The following P2RY12 variants were observed in gnomAD, a reference collection of about 807,000 sequenced individuals.
P2RY12 encodes the protein purinergic receptor P2Y12.
In P2RY12, 3 loss-of-function variants were observed where a neutral mutation model predicts 4.5. The observed-to-expected ratio is 0.67, with a 90% confidence interval of 0.31 to 1.74. P2RY12 has a LOEUF of 1.74. P2RY12 is among the 40% of genes most tolerant of loss of function. The probability of loss-of-function intolerance (pLI) is 0.09; values close to 1 mark genes in which losing one functional copy is unlikely to be tolerated. For missense variants in P2RY12, 356 were observed against 407.8 expected (o/e 0.87, Z 1.09); for synonymous variants, 148 against 154.1 (o/e 0.96, Z 0.29).
intron 1 of P2RY12, among the ~76,000 whole-genome samples, chr3:151,364,321 A>G (rs1039264357): frequency 2.6e-5 from 4 of 152,206 alleles, no homozygotes; most frequent in Non-Finnish European, 4.4e-5. Context: ...TTTATATGAT[A>G]GAGCAGGCTC....
rs1470673309 is a variant in P2RY12 at position 151,377,142 on chromosome 3, G to A, written c.-180+7550C>T. 3 of 1,613,834 alleles carry A rather than the reference G, an allele frequency of 1.9e-6. No individual in the cohort carries two copies. The East Asian group carries it at 6.7e-5, about 36-fold the overall frequency. ...AACAGTATTGGAAGTGCTGATACAA[G>A]TAGCACGAGACAGAATGGAATAAAG... is the stretch of plus-strand genomic sequence containing the variant. On this transcript the variant is annotated intron_variant, in intron 1 of 2. Coordinates refer to ENST00000302632, the MANE Select transcript of P2RY12 (RefSeq NM_022788.5).
intron 1 of P2RY12, among the ~76,000 whole-genome samples, chr3:151,354,311 AAG>A (rs1054908526): frequency 6.6e-6 from 1 of 152,160 alleles, no homozygotes; most frequent in Non-Finnish European, 1.5e-5. Flanking sequence ...AACAGTTAAG[AAG>A]AGTACCCCTA....
At chr3:151,340,563 A>G (rs1751684256) in intron 2 of P2RY12, 33 bp downstream of exon 2, 1 of 152,620 alleles carries the variant, frequency 6.6e-6, no homozygotes, top group Non-Finnish European at 1.5e-5. Context: ...GTAAATACAT[A>G]TATTTGTCAA....
chr3:151,377,461 A>G (rs1271266653), intron 1 of P2RY12, among the ~76,000 whole-genome samples: 1 of 152,200 alleles, frequency 6.6e-6, no homozygotes, highest in Non-Finnish European at 1.5e-5. Context: ...TATTCATTAT[A>G]TGGGAAACGC....
intron 2 of P2RY12, among the ~76,000 whole-genome samples, chr3:151,340,058 A>T (rs192198292): frequency 6.6e-6 from 1 of 152,268 alleles, no homozygotes; most frequent in East Asian, 1.9e-4. Context: ...TGGAAGGAAA[A>T]CGATTAAGAA....
In P2RY12 at chr3:151,338,809, TA is replaced by T. The variant is rs775742312; in HGVS notation, c.36del (p.Asn13ThrfsTer35). The T allele has an allele frequency of 6.2e-7, 1 of 1,613,838 alleles. No individual in the cohort carries two copies. The highest frequency in any genetic ancestry group is 1.1e-5 in the South Asian group (1 of 91,066). The part of the protein sequence containing the change: ...QAVDNLTSAP[G>X]NTSLCTRDYK... ...TAGTCTCTGGTGCACAGACTGGTGT[TA>T]CCAGGCGCAGAGGTGAGGTTGTCGA... is the stretch of plus-strand genomic sequence containing the variant. On this transcript the variant is annotated frameshift_variant, in exon 3 of 3. Coordinates refer to ENST00000302632, the MANE Select transcript of P2RY12 (RefSeq NM_022788.5). LOFTEE classifies it high-confidence loss of function.
At chr3:151,346,651 T>C (rs1021494123) in intron 1 of P2RY12, among the ~76,000 whole-genome samples, 9 of 152,154 alleles carry the variant, frequency 5.9e-5, no homozygotes, top group South Asian at 4.1e-4. Flanking sequence ...TTATAGTATC[T>C]TGTTAATTAA....
At chr3:151,373,111 T>C (rs559382458) in intron 1 of P2RY12, among the ~76,000 whole-genome samples, 2 of 152,326 alleles carry the variant, frequency 1.3e-5, no homozygotes, top group South Asian at 4.1e-4. Flanking sequence ...AAAATATAGC[T>C]ATTAAACATC....
chr3:151,372,800 A>G (rs773001612), intron 1 of P2RY12: 1 of 1,556,828 alleles, frequency 6.4e-7, no homozygotes, highest in Non-Finnish European at 8.9e-7. Flanking sequence ...TACTTTGAGT[A>G]CGTAACTCTT....
chr3:151,376,299 T>C, intron 1 of P2RY12: 1 of 1,100,246 alleles, frequency 9.1e-7, no homozygotes. Context: ...TTTTTTGTCC[T>C]TGCTAATTTG....
At chr3:151,347,648 T>C (rs548068265) in intron 1 of P2RY12, among the ~76,000 whole-genome samples, 157 of 152,150 alleles carry the variant, frequency 1.0e-3, no homozygotes, top group African/African-American at 3.4e-3. Flanking sequence ...CCTGGAGTCT[T>C]GGTGAAATGT....
chr3:151,375,970 C>CATATATATATATATATAT (rs148538586), intron 1 of P2RY12: 13,509 of 807,142 alleles, frequency 0.017, 238 homozygotes, highest in African/African-American at 0.029. Context: ...GTACATATTG[C>CATATATATATATATATAT]ATATATATAT....
intron 1 of P2RY12, chr3:151,350,042 C>A (rs1354132836): frequency 6.2e-7 from 1 of 1,601,268 alleles, no homozygotes; most frequent in Non-Finnish European, 8.5e-7. Context: ...TTTCAGAATG[C>A]ATTTTCTGTT....
intron 1 of P2RY12, among the ~76,000 whole-genome samples, chr3:151,376,544 A>G (rs2108068484): frequency 6.6e-6 from 1 of 152,328 alleles, no homozygotes; most frequent in Non-Finnish European, 1.5e-5. Context: ...TTTTGAAAGG[A>G]GAAATGCTTA....
At chr3:151,339,076 A>T (rs983820844) in intron 2 of P2RY12, among the ~76,000 whole-genome samples, 1 of 152,140 alleles carries the variant, frequency 6.6e-6, no homozygotes, top group Non-Finnish European at 1.5e-5. Context: ...GAAGTACAAT[A>T]TGTGAAGTTA....
rs1753734531 is a variant in P2RY12, at chr3:151,355,018, C to G, written c.-179-14258G>C. ...TTTATTGAAATTCATAGAATTTGTGCACTTTTCTGTATGTATGCTATACTT... is the reference window on the plus strand; with the variant it reads ...TTTATTGAAATTCATAGAATTTGTGGACTTTTCTGTATGTATGCTATACTT... On this transcript the variant is annotated intron_variant, in intron 1 of 2. Transcript: ENST00000302632. 16 of 777,096 alleles carry G rather than the reference C, an allele frequency of 2.1e-5. No homozygotes were observed. In the East Asian group the frequency reaches 4.1e-4, roughly 20 times the overall value. The allele number at this position is 777,096 out of a possible 1,614,324, so 48.1% of individuals were successfully genotyped here. A position where few individuals can be genotyped will look rare whatever the true frequency, so the allele number is the denominator to read the frequency against.
chr3:151,381,945 A>G (rs78777356), intron 1 of P2RY12, among the ~76,000 whole-genome samples: 5,512 of 152,268 alleles, frequency 0.036, 171 homozygotes, highest in Admixed American at 0.085. Context: ...ACCATATTTC[A>G]GAGCATGATA....
intron 1 of P2RY12, among the ~76,000 whole-genome samples, chr3:151,373,874 A>C (rs1756495009): frequency 6.6e-6 from 1 of 152,178 alleles, no homozygotes; most frequent in Non-Finnish European, 1.5e-5. Flanking sequence ...AGAGAACGTT[A>C]CTGAGAAACC....
intron 1 of P2RY12, among the ~76,000 whole-genome samples, chr3:151,348,848 G>T (rs1014921363): frequency 6.6e-6 from 1 of 152,286 alleles, no homozygotes; most frequent in African/African-American, 2.4e-5. Context: ...GAGTACACAT[G>T]TGAAGTACTC....
Sources: allele counts gnomAD v4.1 joint callset (sites outside exome capture counted in the v4.1 genomes callset), GRCh38; gene constraint gnomAD v4.1.1; transcripts MANE v1.5; gene names NCBI Gene and HGNC (gene_info 2026-07-23, HGNC 2026-07-21).